YAE1: variants seen among roughly 807,000 people sequenced by gnomAD.
The protein encoded by YAE1 is YAE1 maturation factor of ABCE1.
YAE1 carries 22 observed loss-of-function variants against 23.0 expected under a neutral mutation model. That is an observed-to-expected ratio of 0.96 (90% CI 0.68 to 1.37). The LOEUF (loss-of-function observed/expected upper bound fraction) is 1.37. Among genes scored for constraint, YAE1 ranks in the 40% most tolerant of loss-of-function variants. The pLI is 0.00. For synonymous variants in YAE1, 101 were observed against 97.0 expected (o/e 1.04, Z -0.24); for missense variants, 260 against 262.1 (o/e 0.99, Z 0.06).
intron 2 of YAE1, among the ~76,000 whole-genome samples, chr7:39,598,650 G>A (rs1295768270): frequency 6.6e-6 from 1 of 151,668 alleles, no homozygotes; most frequent in African/African-American, 2.4e-5. Flanking sequence ...GGTGGCTCAT[G>A]CCTGTAGTCC....
chr7:39,600,628 C>T (rs1583683828), intron 2 of YAE1, among the ~76,000 whole-genome samples: 1 of 152,108 alleles, frequency 6.6e-6, no homozygotes, highest in African/African-American at 2.4e-5. Flanking sequence ...AACTCCTGAC[C>T]TCAGGTGATC....
intron 2 of YAE1, among the ~76,000 whole-genome samples, chr7:39,599,365 GTTTTGTT>G (rs1206036728): frequency 1.4e-4 from 20 of 147,274 alleles, no homozygotes; most frequent in African/African-American, 4.9e-4. Flanking sequence ...GTGTTTTTTT[GTTTTGTT>G]TTTTTGTTTT....
intron 2 of YAE1, among the ~76,000 whole-genome samples, chr7:39,591,737 A>G (rs1583679348): frequency 6.6e-6 from 1 of 151,684 alleles, no homozygotes; most frequent in East Asian, 1.9e-4. Flanking sequence ...TGTACATTCT[A>G]TAGGTTTTGA....
At chr7:39,600,799 A>C (rs6947938) in intron 2 of YAE1, among the ~76,000 whole-genome samples, 6,944 of 152,276 alleles carry the variant, frequency 0.046, 536 homozygotes, top group African/African-American at 0.16. Flanking sequence ...AAGCCAAGAA[A>C]TGGGAAAGAT....
At chr7:39,609,607 A>G (rs1212956139) in intron 2 of YAE1, 3 of 1,532,038 alleles carry the variant, frequency 2.0e-6, no homozygotes, top group Non-Finnish European at 2.6e-6. Context: ...CCAATTGTCT[A>G]TCAAAACAGG....
chr7:39,610,357 A>G (rs1346958650), downstream of YAE1: 1 of 468,306 alleles, frequency 2.1e-6, no homozygotes. Context: ...ACTGTTTGAT[A>G]TCACATTTCA....
At chr7:39,588,846 CAG>C (rs1790860111) in intron 2 of YAE1, among the ~76,000 whole-genome samples, 1 of 149,758 alleles carries the variant, frequency 6.7e-6, no homozygotes. Flanking sequence ...TTTTTGGAGA[CAG>C]AGTCTTTATC....
intron 2 of YAE1, among the ~76,000 whole-genome samples, chr7:39,604,554 T>C (rs754589642): frequency 6.6e-6 from 1 of 152,190 alleles, no homozygotes; most frequent in Non-Finnish European, 1.5e-5. Context: ...ATGTGAAATA[T>C]TGTGTATTTA....
At chr7:39,589,976 A>G (rs1790878508) in intron 2 of YAE1, among the ~76,000 whole-genome samples, 1 of 152,216 alleles carries the variant, frequency 6.6e-6, no homozygotes, top group South Asian at 2.1e-4. Context: ...GAGGAAGAAA[A>G]CAACTGACAT....
chr7:39,605,381 T>C (rs995545791), intron 2 of YAE1, among the ~76,000 whole-genome samples: 1 of 152,230 alleles, frequency 6.6e-6, no homozygotes, highest in African/African-American at 2.4e-5. Context: ...AATCAGAAGA[T>C]TGAATAAAGC....
At chr7:39,586,965 G>A (rs1790826757) in intron 2 of YAE1, among the ~76,000 whole-genome samples, 1 of 152,168 alleles carries the variant, frequency 6.6e-6, no homozygotes, top group South Asian at 2.1e-4. Flanking sequence ...ACAGCTGCAG[G>A]TCATGGGTTC....
intron 2 of YAE1, among the ~76,000 whole-genome samples, chr7:39,601,261 T>C (rs116505354): frequency 0.016 from 2,423 of 152,314 alleles, 51 homozygotes; most frequent in African/African-American, 0.052. Flanking sequence ...GCTAAATTGG[T>C]TGATACAGTA....
chr7:39,570,164 GC>G, intron 1 of YAE1: 3 of 735,214 alleles, frequency 4.1e-6, no homozygotes, highest in Non-Finnish European at 6.9e-6. Context: ...TACCAGGACT[GC>G]CAGCGGAACT....
At chr7:39,578,643 A>G (rs1352892047) in intron 2 of YAE1, among the ~76,000 whole-genome samples, 3 of 152,172 alleles carry the variant, frequency 2.0e-5, no homozygotes, top group African/African-American at 7.2e-5. Flanking sequence ...TCACTCCTGA[A>G]GCCAGTGAGA....
At chr7:39,566,808 A>C (rs148342932) in intron 1 of YAE1, 71 of 366,124 alleles carry the variant, frequency 1.9e-4, no homozygotes, top group African/African-American at 1.5e-3. Context: ...GACTTTGAAC[A>C]GTTTGCAGTT....
intron 2 of YAE1, among the ~76,000 whole-genome samples, chr7:39,590,469 C>T (rs1353924912): frequency 6.6e-6 from 1 of 152,086 alleles, no homozygotes; most frequent in Non-Finnish European, 1.5e-5. Flanking sequence ...TGCCTGACTC[C>T]AATGCTGTTG....
At chr7:39,610,305 C>A in exon 3 of YAE1, 1 of 486,646 alleles carries the variant, frequency 2.1e-6, no homozygotes, top group Non-Finnish European at 3.9e-6. Flanking sequence ...GATCTCGGTA[C>A]CAGGTTTGAC....
Position 39,572,304 on chromosome 7 carries a change from T to C in YAE1, c.279T>C (p.His93=). ...LSALLSWCHL[H]NNNSTLINKI... ...CTTTGCTCTCCTGGTGTCACCTTCA[T>C]AATAATAATTCAACTTTGATCAATA... Residue 93 remains histidine, a synonymous_variant, in exon 3 of 3, where the codon CAT becomes CAC. Coordinates refer to ENST00000223273, the MANE Select transcript of YAE1 (RefSeq NM_020192.5). The C allele has an allele frequency of 1.2e-6, 2 of 1,613,260 alleles. No individual in the cohort carries two copies. Among genetic ancestry groups the C allele is most frequent in the Non-Finnish European group, 1.7e-6 (2 of 1,179,410 alleles).
intron 2 of YAE1, among the ~76,000 whole-genome samples, chr7:39,584,810 G>A (rs1001865125): frequency 1.3e-5 from 2 of 152,164 alleles, no homozygotes; most frequent in African/African-American, 4.8e-5. Flanking sequence ...TTTGATGCCA[G>A]GAGTTTGAGA....
Sources: allele counts gnomAD v4.1 joint callset (sites outside exome capture counted in the v4.1 genomes callset), GRCh38; gene constraint gnomAD v4.1.1; transcripts MANE v1.5; gene names NCBI Gene and HGNC (gene_info 2026-07-23, HGNC 2026-07-21).